EDARADD: variants seen among roughly 807,000 people sequenced by gnomAD.
EDARADD encodes the protein EDAR associated via death domain.
Under a neutral mutation model 25.6 loss-of-function variants are expected in EDARADD, and 20 were observed. The observed-to-expected ratio is 0.78, with a 90% CI of 0.55 to 1.14. The LOEUF (loss-of-function observed/expected upper bound fraction) is 1.14. Ranked by LOEUF, EDARADD falls within the 50% of genes most tolerant of loss-of-function variation. The pLI is 0.00. For synonymous variants in EDARADD, 86 were observed against 94.4 expected (o/e 0.91, Z 0.52); for missense variants, 225 against 270.1 (o/e 0.83, Z 1.17).
chr1:236,396,017 G>C (rs534118165), intron 1 of EDARADD, among the ~76,000 whole-genome samples: 16 of 152,240 alleles, frequency 1.1e-4, no homozygotes, highest in Non-Finnish European at 2.1e-4. Flanking sequence ...CAAGGGGGTG[G>C]ATTTCGTTTT....
intron 4 of EDARADD, among the ~76,000 whole-genome samples, chr1:236,438,802 G>GT (rs1046021430): frequency 1.4e-4 from 21 of 151,958 alleles, no homozygotes; most frequent in African/African-American, 5.1e-4. Flanking sequence ...ATCCTGCATC[G>GT]TAACGGTGCG....
chr1:236,477,824 C>T (rs1659552862), intron 5 of EDARADD, among the ~76,000 whole-genome samples: 2 of 151,864 alleles, frequency 1.3e-5, no homozygotes, highest in South Asian at 2.1e-4. Context: ...GTGAAATGAC[C>T]GGGCGCGGTG....
intron 4 of EDARADD, among the ~76,000 whole-genome samples, chr1:236,458,093 T>C (rs1337630819): frequency 6.6e-6 from 1 of 152,174 alleles, no homozygotes; most frequent in Non-Finnish European, 1.5e-5. Flanking sequence ...CTCTCACACA[T>C]AGTTGAGAGT....
At chr1:236,348,318 G>A (rs1325813229) in intron 1 of EDARADD, 1 of 152,286 alleles carries the variant, frequency 6.6e-6, no homozygotes, top group African/African-American at 2.4e-5. Context: ...GGAGCCAGTT[G>A]GGGAAACTCG....
chr1:236,423,650 C>G (rs1210513057), intron 3 of EDARADD, among the ~76,000 whole-genome samples: 3 of 152,148 alleles, frequency 2.0e-5, no homozygotes, highest in African/African-American at 4.8e-5. Flanking sequence ...TGAAGGCAAA[C>G]TTTGATTGAG....
Position 236,455,850 on chromosome 1 carries a change from C to T in EDARADD, c.220-12381C>T, listed in dbSNP as rs187073741. 4.7e-4 allele frequency among the ~76,000 whole-genome samples: 71 copies of T among 152,284 alleles called. 1 individual carries two copies. Among genetic ancestry groups the T allele is most frequent in the East Asian group, 2.1e-3 (11 of 5,174 alleles). Reference sequence around the variant, plus strand: ...TGTCACCCAGGCTGGAGAGCAGTTGCGCGATCTTTGCTCACTGCAACCTCT... The same window carrying T: ...TGTCACCCAGGCTGGAGAGCAGTTGTGCGATCTTTGCTCACTGCAACCTCT... On this transcript the variant is annotated intron_variant, in intron 4 of 5. Coordinates refer to ENST00000334232, the MANE Select transcript of EDARADD (RefSeq NM_145861.4).
At chr1:236,461,667 C>A (rs1441048661) in intron 4 of EDARADD, among the ~76,000 whole-genome samples, 4 of 152,162 alleles carry the variant, frequency 2.6e-5, no homozygotes, top group African/African-American at 9.7e-5. Context: ...TTCTCAGGTT[C>A]TCTGCCTATA....
At position 236,360,604 on chromosome 1, in the gene EDARADD, G is replaced by C. The variant is rs1289880942; in HGVS notation, c.-6+9765G>C. On this transcript the variant is annotated intron_variant, in intron 3 of 7. Transcript: ENST00000439430. ...TCTGTCACCCAGGCTGGAGTGCAGT[G>C]GTGCCATCTTGGTTCACTGTAACCT... Among the ~76,000 whole-genome samples the C allele has an allele frequency of 2.8e-5, 4 of 144,094 alleles. No homozygotes were observed. In the East Asian group the frequency reaches 8.2e-4, roughly 29 times the overall value. The allele number at this position is 144,094 out of a possible 152,430, so 94.5% of individuals were successfully genotyped here.
rs116205988 is a variant in EDARADD, at chr1:236,397,267, A to G, written c.61+2762A>G. On this transcript the variant is annotated intron_variant, in intron 1 of 5. Coordinates refer to ENST00000334232, the MANE Select transcript of EDARADD (RefSeq NM_145861.4). ...TCTACAAAAAATAGAAAAATTAGCC[A>G]AATGTGCCAGTGCATACCTATAGTC... Among the ~76,000 whole-genome samples the G allele has an allele frequency of 4.6e-3, 695 of 152,162 alleles. 4 individuals carry two copies. Among genetic ancestry groups the G allele is most frequent in the African/African-American group, 0.016 (667 of 41,494 alleles).
intron 3 of EDARADD, among the ~76,000 whole-genome samples, chr1:236,423,567 C>A (rs145741105): frequency 6.6e-6 from 1 of 152,228 alleles, no homozygotes; most frequent in East Asian, 1.9e-4. Flanking sequence ...GCCTGCAAAG[C>A]CTGTGTGTGA....
At position 236,484,600 on chromosome 1, in the gene EDARADD, G is replaced by A. The variant is rs571789874; in HGVS notation, c.*1951G>A. 1.2e-5 allele frequency: 8 copies of A among 676,742 alleles called. No individual in the cohort carries two copies. Among genetic ancestry groups the A allele is most frequent in the Admixed American group, 2.4e-5 (1 of 40,998 alleles). The allele number at this position is 676,742 out of a possible 1,614,324, so 41.9% of individuals were successfully genotyped here. A position where few individuals can be genotyped will look rare whatever the true frequency, so the allele number is the denominator to read the frequency against. The stretch of plus-strand genomic sequence containing the variant: ...TGCTAGTTAGCTACCCTTGCCCACC[G>A]CCGTGGAGTTCGCACCTCTTCCTTA... On this transcript the variant is annotated 3_prime_UTR_variant, in exon 6 of 6. Transcript: ENST00000334232. This position sits in a 1 kb window ranked among gnomAD's most constrained non-coding sequence, Gnocchi z 4.1.
intron 4 of EDARADD, among the ~76,000 whole-genome samples, chr1:236,438,222 G>A (rs1476769411): frequency 6.6e-6 from 1 of 152,166 alleles, no homozygotes; most frequent in Non-Finnish European, 1.5e-5. Context: ...CTTCTGTAAG[G>A]ACCCCATTTC....
chr1:236,478,895 T>C (rs1659586888), intron 5 of EDARADD, among the ~76,000 whole-genome samples: 1 of 152,178 alleles, frequency 6.6e-6, no homozygotes, highest in South Asian at 2.1e-4. Flanking sequence ...GAGACTGTTA[T>C]TCTAAGTGAA....
At chr1:236,355,455 T>C (rs1334483808) in intron 3 of EDARADD, among the ~76,000 whole-genome samples, 1 of 151,830 alleles carries the variant, frequency 6.6e-6, no homozygotes, top group Non-Finnish European at 1.5e-5. Flanking sequence ...TGCTCTGTGC[T>C]TATTCTTACA....
intron 3 of EDARADD, among the ~76,000 whole-genome samples, chr1:236,353,263 C>T (rs1666938244): frequency 6.6e-6 from 1 of 152,180 alleles, no homozygotes; most frequent in South Asian, 2.1e-4. Flanking sequence ...CTCCTGGTCT[C>T]CCTTATCTGT....
At chr1:236,426,759 G>A (rs1230263966) in intron 3 of EDARADD, among the ~76,000 whole-genome samples, 1 of 152,206 alleles carries the variant, frequency 6.6e-6, no homozygotes, top group Non-Finnish European at 1.5e-5. Flanking sequence ...GCTTGGTGTG[G>A]TGGCACATGC....
chr1:236,367,150 T>TG (rs397760034), intron 3 of EDARADD, among the ~76,000 whole-genome samples: 2 of 151,540 alleles, frequency 1.3e-5, no homozygotes, highest in African/African-American at 4.8e-5. Context: ...CCCTGTTTTT[T>TG]GGGTTGTTTC....
At chr1:236,355,500 CT>C (rs563976436) in intron 3 of EDARADD, among the ~76,000 whole-genome samples, 18,647 of 72,326 alleles carry the variant, frequency 0.26, 1,669 homozygotes, top group African/African-American at 0.37. Flanking sequence ...GCTTCTTCTT[CT>C]TTTTTTTTTT....
At chr1:236,428,772 G>A (rs1475731666) in intron 4 of EDARADD, among the ~76,000 whole-genome samples, 1 of 151,134 alleles carries the variant, frequency 6.6e-6, no homozygotes, top group African/African-American at 2.4e-5. Flanking sequence ...CACTTTGGGA[G>A]GCCAAGGCAG....
Sources: allele counts gnomAD v4.1 joint callset (sites outside exome capture counted in the v4.1 genomes callset), GRCh38; gene constraint gnomAD v4.1.1; non-coding constraint Gnocchi (gnomAD v3.1); transcripts MANE v1.5; gene names NCBI Gene and HGNC (gene_info 2026-07-23, HGNC 2026-07-21).